The following RAD18 variants were observed in gnomAD, a reference collection of about 807,000 sequenced individuals.
RAD18 encodes E3 ubiquitin-protein ligase RAD18.
A neutral mutation model predicts 60.4 loss-of-function variants in RAD18; 47 were observed. The observed-to-expected ratio is 0.78, with a 90% CI of 0.62 to 0.99. The LOEUF is 0.99. RAD18 is among the 50% of genes least tolerant of loss of function. The probability of loss-of-function intolerance (pLI) is 0.00; values close to 1 mark genes in which losing one functional copy is unlikely to be tolerated. For missense variants in RAD18, 640 were observed against 593.3 expected, an observed-to-expected ratio of 1.08 and a Z score of -0.82; for synonymous variants, 225 against 195.5, an observed-to-expected ratio of 1.15 and a Z score of -1.26.
At chr3:8,959,811 G>A (rs1308280850) in intron 1 of RAD18, among the ~76,000 whole-genome samples, 5 of 151,544 alleles carry the variant, frequency 3.3e-5, no homozygotes, top group Admixed American at 3.3e-4. Context: ...GAGTCCAGGA[G>A]GCGTAGGTTG....
chr3:8,898,136 A>G (rs1366944495), intron 11 of RAD18, among the ~76,000 whole-genome samples: 2 of 152,190 alleles, frequency 1.3e-5, no homozygotes, highest in African/African-American at 4.8e-5. Context: ...CATCAGGTAC[A>G]TAAGTAGAAC....
chr3:8,946,479 C>T (rs954678045), intron 4 of RAD18, among the ~76,000 whole-genome samples: 3 of 152,212 alleles, frequency 2.0e-5, no homozygotes, highest in Non-Finnish European at 4.4e-5. Flanking sequence ...CTATCTAAAC[C>T]AGTACGTCCT....
intron 10 of RAD18, 42 bp from the exon 11 acceptor site, chr3:8,899,089 T>A (rs1939856195): frequency 6.8e-7 from 1 of 1,465,448 alleles, no homozygotes; most frequent in Non-Finnish European, 9.3e-7. Context: ...AATCTACAAC[T>A]TCTGTATGCC....
intron 7 of RAD18, among the ~76,000 whole-genome samples, chr3:8,924,653 G>A (rs1365385286): frequency 7.9e-6 from 1 of 126,826 alleles, no homozygotes; most frequent in Non-Finnish European, 1.7e-5. Flanking sequence ...ATTGACCATA[G>A]TTGGAAGTAA....
intron 6 of RAD18, 55 bp from the exon 7 acceptor site, chr3:8,936,110 T>C (rs1940649074): frequency 3.6e-6 from 5 of 1,375,542 alleles, no homozygotes; most frequent in East Asian, 5.1e-5. Context: ...ATGCTTTTCA[T>C]GTAAAATGGC....
At chr3:8,912,206 A>G (rs1940115999) in intron 9 of RAD18, 106 bp downstream of exon 9, 1 of 913,166 alleles carries the variant, frequency 1.1e-6, no homozygotes, top group Non-Finnish European at 1.6e-6. Context: ...AATGTTAACA[A>G]AAGTTTGAAT....
chr3:8,904,046 C>G (rs916287876), intron 9 of RAD18, among the ~76,000 whole-genome samples: 6 of 152,122 alleles, frequency 3.9e-5, no homozygotes, highest in African/African-American at 1.4e-4. Context: ...GAAAATAATT[C>G]TTGTCTATAG....
At chr3:8,949,835 G>A (rs970838868) in intron 2 of RAD18, among the ~76,000 whole-genome samples, 15 of 152,176 alleles carry the variant, frequency 9.9e-5, no homozygotes, top group African/African-American at 3.6e-4. Flanking sequence ...GCAAGTCTGA[G>A]AGTCAAAAAC....
chr3:8,921,338 A>G (rs980509208), intron 7 of RAD18, among the ~76,000 whole-genome samples: 2 of 152,184 alleles, frequency 1.3e-5, no homozygotes, highest in Admixed American at 6.5e-5. Context: ...ATCTGTCTCA[A>G]CAGCACATCT....
intron 12 of RAD18, among the ~76,000 whole-genome samples, chr3:8,882,455 T>C (rs1939484048): frequency 6.6e-6 from 1 of 151,962 alleles, no homozygotes; most frequent in South Asian, 2.1e-4. Flanking sequence ...CCAGATACCA[T>C]GGGAGGAGGT....
chr3:8,908,174 T>C (rs1406223580), intron 9 of RAD18, among the ~76,000 whole-genome samples: 1 of 152,168 alleles, frequency 6.6e-6, no homozygotes, highest in East Asian at 1.9e-4. Context: ...GTCTAGCTGA[T>C]CTGAATTGAG....
chr3:8,931,438 G>T (rs1361063122), intron 7 of RAD18: 1 of 152,204 alleles, frequency 6.6e-6, no homozygotes, highest in African/African-American at 2.4e-5. Flanking sequence ...GCTGATCTAT[G>T]TAATCTCACT....
chr3:8,938,065 C>T (rs1048346960), intron 6 of RAD18, among the ~76,000 whole-genome samples: 1 of 152,156 alleles, frequency 6.6e-6, no homozygotes, highest in East Asian at 1.9e-4. Flanking sequence ...TCTATATTCC[C>T]AACTCATGCA....
At chr3:8,891,223 G>A (rs1461177128) in intron 11 of RAD18, among the ~76,000 whole-genome samples, 1 of 152,024 alleles carries the variant, frequency 6.6e-6, no homozygotes, top group African/African-American at 2.4e-5. Context: ...AATGGGAGCT[G>A]CGGAGGATCA....
intron 1 of RAD18, among the ~76,000 whole-genome samples, chr3:8,961,487 C>T (rs1288490244): frequency 6.6e-6 from 1 of 152,170 alleles, no homozygotes; most frequent in African/African-American, 2.4e-5. Flanking sequence ...CTTGAGACTC[C>T]AAAGTCTTTC....
At chr3:8,884,640 T>A (rs166094) in intron 12 of RAD18, among the ~76,000 whole-genome samples, 90,533 of 151,906 alleles carry the variant, frequency 0.6, 29,696 homozygotes, top group Middle Eastern at 0.74. Flanking sequence ...TTTCTTTCCA[T>A]GTTTCCCCTC....
chr3:8,943,708 C>T (rs997026770), intron 4 of RAD18, among the ~76,000 whole-genome samples: 9 of 151,714 alleles, frequency 5.9e-5, no homozygotes, highest in Non-Finnish European at 7.4e-5. Context: ...AACGCAACAA[C>T]AGAAAAATAA....
chr3:8,907,672 T>C (rs1469517510), intron 9 of RAD18, among the ~76,000 whole-genome samples: 2 of 152,206 alleles, frequency 1.3e-5, no homozygotes, highest in Non-Finnish European at 2.9e-5. Context: ...CAGATGCAGC[T>C]AACTTCAGAT....
chr3:8,888,995 C>T (rs1463486804), intron 12 of RAD18, among the ~76,000 whole-genome samples: 1 of 152,136 alleles, frequency 6.6e-6, no homozygotes, highest in African/African-American at 2.4e-5. Context: ...CCTCCTCTTC[C>T]AGAACTCAAA....
Sources: gnomAD v4.1 joint callset for allele counts (sites outside exome capture counted in the v4.1 genomes callset) on GRCh38, gnomAD v4.1.1 for gene constraint, MANE v1.5 for transcripts, NCBI Gene and HGNC (gene_info 2026-07-23, HGNC 2026-07-21) for gene names.